The following TMEM106B variants were observed in gnomAD, a reference collection of about 807,000 sequenced individuals.
The protein encoded by TMEM106B is transmembrane protein 106B.
Under a neutral mutation model 31.1 loss-of-function variants are expected in TMEM106B, and 15 were observed. The observed-to-expected ratio is 0.48, with a 90% CI of 0.32 to 0.74. TMEM106B has a LOEUF of 0.74. Among genes scored for constraint, TMEM106B ranks in the 30% least tolerant of loss-of-function variants. TMEM106B has a pLI of 0.03. For synonymous variants in TMEM106B, 126 were observed against 112.5 expected, an observed-to-expected ratio of 1.12 and a Z score of -0.76; for missense variants, 283 against 327.3, an observed-to-expected ratio of 0.86 and a Z score of 1.04.
At chr7:12,230,826 A>G (rs1782006783) in intron 6 of TMEM106B, 1 of 367,704 alleles carries the variant, frequency 2.7e-6, no homozygotes, top group Non-Finnish European at 4.8e-6. Flanking sequence ...CAAAATATAT[A>G]AGTAATTTAT....
intron 1 of TMEM106B, among the ~76,000 whole-genome samples, chr7:12,211,913 T>C (rs1781586002): frequency 6.6e-6 from 1 of 152,204 alleles, no homozygotes; most frequent in Non-Finnish European, 1.5e-5. Flanking sequence ...GAGTCTGATA[T>C]CCATGTTGAC....
chr7:12,225,230 G>A (rs937829609), intron 4 of TMEM106B, among the ~76,000 whole-genome samples: 2 of 152,168 alleles, frequency 1.3e-5, no homozygotes, highest in East Asian at 1.9e-4. Context: ...GTATTCCATG[G>A]TGTATATGTG....
At chr7:12,231,709 C>T (rs1017726323) in intron 7 of TMEM106B, 128 bp from the exon 8 acceptor site, 9 of 771,566 alleles carry the variant, frequency 1.2e-5, no homozygotes, top group Admixed American at 3.0e-5. Context: ...ATTGTGTGCA[C>T]AATATTAAGT....
intron 5 of TMEM106B, 103 bp from the exon 6 acceptor site, chr7:12,230,286 G>C (rs1475918107): frequency 2.3e-6 from 2 of 866,046 alleles, no homozygotes; most frequent in Non-Finnish European, 3.8e-6. Flanking sequence ...AATCAAGCTT[G>C]TAAAAGGAGA....
At position 12,239,650 on chromosome 7, in the gene TMEM106B, G is replaced by A. The variant is rs1432432580; in HGVS notation, c.*7675G>A. On this transcript the variant is annotated 3_prime_UTR_variant, in exon 8 of 8. Coordinates refer to ENST00000396668, the MANE Select transcript of TMEM106B (RefSeq NM_001134232.2). ...ACTTGAACAGTTAGAGGCTATTGTA[G>A]GATTATTAATTGGCCTAATTTCAAT... The A allele has an allele frequency of 6.6e-6, 1 of 152,070 alleles. No individual in the cohort carries two copies. Among genetic ancestry groups the A allele is most frequent in the African/African-American group, 2.4e-5 (1 of 41,412 alleles). 9.4% of individuals were successfully genotyped at this position (152,070 alleles called of 1,614,324 possible). A position where few individuals can be genotyped will look rare whatever the true frequency, so the allele number is the denominator to read the frequency against.
chr7:12,222,129 A>G (rs1391262967), intron 3 of TMEM106B, among the ~76,000 whole-genome samples: 1 of 152,184 alleles, frequency 6.6e-6, no homozygotes, highest in Non-Finnish European at 1.5e-5. Flanking sequence ...AAGAGGAAGA[A>G]AAGTAAATTG....
At position 12,231,922 on chromosome 7, in the gene TMEM106B, A is replaced by G. The variant is rs759662664; in HGVS notation, c.772A>G (p.Thr258Ala). The change falls in exon 8 of 8, where the codon ACT (threonine) becomes GCT (alanine). Residue 258 changes from threonine to alanine, a missense_variant. Around this residue, in one of 3 missense-constraint regions of TMEM106B, gnomAD observed 201 missense variants for 211.5 expected, o/e 0.95. Transcript: ENST00000396668. ...GTATGTCGACTGTGGAAGAAACACA[A>G]CTTATCAGTTGGGGCAGTCTGAATA... ...YQYVDCGRNT[T>A]YQLGQSEYLN... 2 of 1,612,608 alleles carry G rather than the reference A, an allele frequency of 1.2e-6. No homozygotes were observed. Among genetic ancestry groups the G allele is most frequent in the South Asian group, 1.1e-5 (1 of 90,968 alleles).
chr7:12,229,560 G>T (rs959411249), intron 4 of TMEM106B, 119 bp from the exon 5 acceptor site: 1 of 802,154 alleles, frequency 1.2e-6, no homozygotes, highest in Non-Finnish European at 1.9e-6. Flanking sequence ...TGACATTTTG[G>T]TATTACTTTC....
intron 4 of TMEM106B, 141 bp downstream of exon 4, chr7:12,224,526 T>C: frequency 1.7e-6 from 1 of 573,120 alleles, no homozygotes; most frequent in South Asian, 3.1e-5. Flanking sequence ...TGTATTGACG[T>C]TCTCTACCAT....
chr7:12,214,546 TA>T (rs1781648086), intron 1 of TMEM106B, among the ~76,000 whole-genome samples: 1 of 152,234 alleles, frequency 6.6e-6, no homozygotes, highest in Non-Finnish European at 1.5e-5. Flanking sequence ...TCTATTGATT[TA>T]TGCCTCTGCC....
rs991642361 is a variant in TMEM106B, at chr7:12,230,499, T to G, written c.632+61T>G. 1.3e-5 allele frequency: 15 copies of G among 1,131,906 alleles called. No homozygotes were observed. In the East Asian group the frequency reaches 3.5e-4, roughly 26 times the overall value. The allele number at this position is 1,131,906 out of a possible 1,614,324, so 70.1% of individuals were successfully genotyped here. On this transcript the variant is annotated intron_variant, in intron 6 of 7. Coordinates refer to ENST00000396668, the MANE Select transcript of TMEM106B (RefSeq NM_001134232.2). ...ATAATGAAGTGTATAAAATAAAGTA[T>G]AAAGAGTATACATATTTTTTAATTT... is the stretch of plus-strand genomic sequence containing the variant.
chr7:12,231,843 T>G lies in TMEM106B; in HGVS notation c.693T>G (p.Thr231=), dbSNP rs751214732. Residue 231 remains threonine, a synonymous_variant, in exon 8 of 8, where the codon ACT becomes ACG. Transcript: ENST00000396668. ...VHNIVLMMQV[T]VTTTYFGHSE... ...TCACTTACATTATTTTTAGAGTTAC[T>G]GTGACAACAACATACTTTGGCCACT... 67 of 1,596,450 alleles carry G rather than the reference T, an allele frequency of 4.2e-5. No homozygotes were observed. The highest frequency in any genetic ancestry group is 1.7e-4 in the Middle Eastern group (1 of 5,976).
chr7:12,223,130 GA>G (rs1781820285), intron 3 of TMEM106B, among the ~76,000 whole-genome samples: 1 of 152,138 alleles, frequency 6.6e-6, no homozygotes, highest in Non-Finnish European at 1.5e-5. Flanking sequence ...ACCTTGAAAA[GA>G]GGAAGTTTTT....
intron 4 of TMEM106B, among the ~76,000 whole-genome samples, chr7:12,229,103 A>G (rs1292186475): frequency 3.3e-5 from 5 of 152,050 alleles, no homozygotes; most frequent in African/African-American, 9.7e-5. Context: ...GATCTTTTAT[A>G]TATCTGTTAT....
intron 1 of TMEM106B, among the ~76,000 whole-genome samples, chr7:12,213,068 T>C (rs1031770229): frequency 7.9e-5 from 12 of 152,202 alleles, no homozygotes; most frequent in Non-Finnish European, 1.6e-4. Context: ...GGTATGACCT[T>C]AAGTATAAAG....
intron 6 of TMEM106B, 64 bp from the exon 7 acceptor site, chr7:12,230,998 A>T (rs966192793): frequency 1.8e-6 from 2 of 1,140,966 alleles, no homozygotes; most frequent in African/African-American, 1.6e-5. Context: ...TTAAGATAGG[A>T]GGGAGAATTT....
rs1047108241 is a variant in TMEM106B, at chr7:12,241,192, T to G, written c.*9217T>G. 1 of 152,150 alleles carries G rather than the reference T, an allele frequency of 6.6e-6. No individual in the cohort carries two copies. The highest frequency in any genetic ancestry group is 2.4e-5 in the African/African-American group (1 of 41,428). The allele number at this position is 152,150 out of a possible 1,614,324, so 9.4% of individuals were successfully genotyped here. ...TATATTGATAATAGCATTTTTTAAGTTGCCCCAAAAAGATGAAATACAAAT... is the reference window on the plus strand; with the variant it reads ...TATATTGATAATAGCATTTTTTAAGGTGCCCCAAAAAGATGAAATACAAAT... On this transcript the variant is annotated 3_prime_UTR_variant, in exon 8 of 8. Transcript: ENST00000396668.
intron 2 of TMEM106B, among the ~76,000 whole-genome samples, chr7:12,215,272 A>G (rs1345871742): frequency 6.6e-6 from 1 of 152,230 alleles, no homozygotes; most frequent in Non-Finnish European, 1.5e-5. Context: ...ACCTGCTATT[A>G]TAGCAGATAT....
At position 12,224,211 on chromosome 7, in the gene TMEM106B, T is replaced by C. The variant is rs753535660; in HGVS notation, c.282-15T>C. On this transcript the variant is annotated splice_polypyrimidine_tract_variant and intron_variant, in intron 3 of 7. Coordinates refer to ENST00000396668, the MANE Select transcript of TMEM106B (RefSeq NM_001134232.2). ...CTGATGCACATGTACTTAAATACCCTCTTTTCCTTTTCAGAAAGCTGTATG... is the reference window on the plus strand; with the variant it reads ...CTGATGCACATGTACTTAAATACCCCCTTTTCCTTTTCAGAAAGCTGTATG... 3.1e-6 allele frequency: 5 copies of C among 1,608,552 alleles called. No individual in the cohort carries two copies. The East Asian group carries it at 1.1e-4, about 36-fold the overall frequency.
Sources: allele counts gnomAD v4.1 joint callset (sites outside exome capture counted in the v4.1 genomes callset), GRCh38; gene constraint gnomAD v4.1.1; regional missense constraint gnomAD v4.1.1; transcripts MANE v1.5; gene names NCBI Gene and HGNC (gene_info 2026-07-23, HGNC 2026-07-21).